Variants in ATP6V1B2 observed in about 807,000 individuals in gnomAD.
ATP6V1B2 encodes the protein ATPase H+ transporting V1 subunit B2.
ATP6V1B2 carries 23 observed loss-of-function variants against 66.7 expected under a neutral mutation model. That is an observed-to-expected ratio of 0.34 (90% CI 0.25 to 0.49). ATP6V1B2 has a LOEUF of 0.49. ATP6V1B2 is among the 20% of genes least tolerant of loss of function. The probability of loss-of-function intolerance (pLI) is 0.99; values close to 1 mark genes in which losing one functional copy is unlikely to be tolerated. For missense variants in ATP6V1B2, 478 were observed against 650.8 expected, an observed-to-expected ratio of 0.73 and a Z score of 2.89; for synonymous variants, 278 against 236.7, an observed-to-expected ratio of 1.17 and a Z score of -1.60.
chr8:20,207,292 A>T (rs1392113841), intron 2 of ATP6V1B2, among the ~76,000 whole-genome samples: 2 of 152,228 alleles, frequency 1.3e-5, no homozygotes. Flanking sequence ...CACACATGAG[A>T]ATTCGACTTG....
In ATP6V1B2 at chr8:20,218,284, T is replaced by TA; in HGVS notation, c.1396+4dup. The TA allele has an allele frequency of 6.2e-7, 1 of 1,612,090 alleles. No individual in the cohort carries two copies. The highest frequency in any genetic ancestry group is 8.5e-7 in the Non-Finnish European group (1 of 1,178,980). ...TTGAGAGGAACTTCATTGCTCAGGG[T>TA]AAGATGACTGTTGGCTTACAAACAT... On this transcript the variant is annotated splice_region_variant and intron_variant, in intron 13 of 13. Coordinates refer to ENST00000276390, the MANE Select transcript of ATP6V1B2 (RefSeq NM_001693.4).
intron 1 of ATP6V1B2, chr8:20,204,034 A>G: frequency 2.2e-6 from 1 of 454,752 alleles, no homozygotes; most frequent in Non-Finnish European, 4.4e-6. Flanking sequence ...TTCCTCATCT[A>G]CTTAGCTAAA....
At chr8:20,200,485 G>A (rs1010810275) in intron 1 of ATP6V1B2, among the ~76,000 whole-genome samples, 1 of 152,188 alleles carries the variant, frequency 6.6e-6, no homozygotes, top group Non-Finnish European at 1.5e-5. Context: ...CAGTTCCACT[G>A]TACAAATTAG....
At chr8:20,197,675 C>A in intron 1 of ATP6V1B2, 133 bp downstream of exon 1, 1 of 1,149,386 alleles carries the variant, frequency 8.7e-7, no homozygotes, top group Non-Finnish European at 1.1e-6. Flanking sequence ...CGACCCTGAC[C>A]CACTTGTCTC....
At chr8:20,209,336 C>T (rs2072769983) in intron 2 of ATP6V1B2, 97 bp from the exon 3 acceptor site, 1 of 1,212,846 alleles carries the variant, frequency 8.2e-7, no homozygotes, top group Non-Finnish European at 1.2e-6. Flanking sequence ...GTAGAGGGTT[C>T]CATATTCAGA....
At chr8:20,202,445 T>C (rs1310652916) in intron 1 of ATP6V1B2, among the ~76,000 whole-genome samples, 2 of 152,236 alleles carry the variant, frequency 1.3e-5, no homozygotes, top group African/African-American at 2.4e-5. Context: ...ATTAAATGTA[T>C]GATAGTGTTA....
chr8:20,218,743 C>T (rs1165596047), intron 13 of ATP6V1B2, among the ~76,000 whole-genome samples: 2 of 152,142 alleles, frequency 1.3e-5, no homozygotes, highest in Non-Finnish European at 2.9e-5. Flanking sequence ...TCCCTCCCAG[C>T]GTCCACTTTT....
At chr8:20,215,049 T>G in intron 10 of ATP6V1B2, 81 bp downstream of exon 10, 1 of 1,416,038 alleles carries the variant, frequency 7.1e-7, no homozygotes, top group Non-Finnish European at 9.5e-7. Context: ...GAGTTGAAGT[T>G]ATTTTGAGAA....
chr8:20,216,651 A>C, intron 11 of ATP6V1B2, 156 bp downstream of exon 11: 2 of 621,424 alleles, frequency 3.2e-6, no homozygotes, highest in South Asian at 5.2e-5. Flanking sequence ...ATTATCTTAA[A>C]TTCTGGTGTC....
intron 2 of ATP6V1B2, among the ~76,000 whole-genome samples, chr8:20,208,203 G>C (rs1029537201): frequency 3.9e-5 from 6 of 152,204 alleles, no homozygotes; most frequent in Non-Finnish European, 8.8e-5. Context: ...TGGCATGCTT[G>C]TATGAGGAGC....
At chr8:20,217,349 T>C (rs1402997782) in intron 12 of ATP6V1B2, 25 bp downstream of exon 12, 1 of 1,559,128 alleles carries the variant, frequency 6.4e-7, no homozygotes. Context: ...CTAAGAATGG[T>C]GTTTGAAAAT....
chr8:20,218,391 G>A, intron 13 of ATP6V1B2, 109 bp downstream of exon 13: 1 of 1,395,000 alleles, frequency 7.2e-7, no homozygotes, highest in Non-Finnish European at 9.6e-7. Flanking sequence ...TATTTCTCTG[G>A]TTAGAGAAGA....
intron 1 of ATP6V1B2, 111 bp from the exon 2 acceptor site, chr8:20,204,373 C>G (rs892460548): frequency 1.1e-6 from 1 of 878,998 alleles, no homozygotes; most frequent in African/African-American, 1.7e-5. Flanking sequence ...TTTGAGTGTA[C>G]CGTATTCTAA....
At chr8:20,205,725 A>G (rs1254838173) in intron 2 of ATP6V1B2, among the ~76,000 whole-genome samples, 3 of 152,240 alleles carry the variant, frequency 2.0e-5, no homozygotes, top group Non-Finnish European at 2.9e-5. Flanking sequence ...GAATAGAAGA[A>G]GATGAAGCAC....
chr8:20,205,162 A>C (rs2072725960), intron 2 of ATP6V1B2, among the ~76,000 whole-genome samples: 1 of 152,162 alleles, frequency 6.6e-6, no homozygotes, highest in African/African-American at 2.4e-5. Flanking sequence ...TTTTCTGGGG[A>C]AAATATTAGG....
At chr8:20,203,231 G>T (rs2072704870) in intron 1 of ATP6V1B2, among the ~76,000 whole-genome samples, 1 of 152,174 alleles carries the variant, frequency 6.6e-6, no homozygotes, top group South Asian at 2.1e-4. Context: ...TATTGAGACA[G>T]TTGCAGTACA....
chr8:20,197,797 C>A (rs1204868090), intron 1 of ATP6V1B2, among the ~76,000 whole-genome samples: 2 of 152,288 alleles, frequency 1.3e-5, no homozygotes, highest in Middle Eastern at 3.4e-3. Flanking sequence ...TGCCCTACCC[C>A]CTCCCCTCCC....
intron 13 of ATP6V1B2, 106 bp downstream of exon 13, chr8:20,218,388 CTGGT>C: frequency 1.4e-6 from 2 of 1,439,168 alleles, no homozygotes; most frequent in Non-Finnish European, 1.9e-6. Flanking sequence ...AGTTATTTCT[CTGGT>C]TAGAGAAGAG....
chr8:20,203,400 C>G (rs73669741), intron 1 of ATP6V1B2, among the ~76,000 whole-genome samples: 3 of 152,168 alleles, frequency 2.0e-5, no homozygotes, highest in Non-Finnish European at 4.4e-5. Flanking sequence ...TTTTAAATTC[C>G]AAAGCCACTT....
Sources: gnomAD v4.1 joint callset for allele counts (sites outside exome capture counted in the v4.1 genomes callset) on GRCh38, gnomAD v4.1.1 for gene constraint, MANE v1.5 for transcripts, NCBI Gene and HGNC (gene_info 2026-07-23, HGNC 2026-07-21) for gene names.